ORC5: variants seen among roughly 807,000 people sequenced by gnomAD.
ORC5 encodes the protein origin recognition complex subunit 5.
ORC5 carries 39 observed loss-of-function variants against 58.8 expected under a neutral mutation model. The ratio of observed to expected loss-of-function variants is 0.66; its 90% CI spans 0.51 to 0.87. ORC5 has a LOEUF of 0.87. ORC5 is among the 40% of genes least tolerant of loss of function. The pLI, the probability that ORC5 is intolerant of heterozygous loss-of-function variation, is 0.00. For missense variants in ORC5, 493 were observed against 506.3 expected (o/e 0.97, Z 0.25); for synonymous variants, 218 against 177.6 (o/e 1.23, Z -1.81).
intron 12 of ORC5, among the ~76,000 whole-genome samples, chr7:104,140,277 T>C (rs562727617): frequency 2.6e-5 from 4 of 152,266 alleles, no homozygotes; most frequent in Non-Finnish European, 5.9e-5. Context: ...ATATATCTAA[T>C]GATTTTCTAA....
Position 104,207,901 on chromosome 7 carries a change from G to T in ORC5, c.4C>A (p.Pro2Thr). The T allele has an allele frequency of 6.2e-7, 1 of 1,614,058 alleles. No homozygotes were observed. Among genetic ancestry groups the T allele is most frequent in the Non-Finnish European group, 8.5e-7 (1 of 1,179,960 alleles). The change falls in exon 1 of 14, where the codon CCC becomes ACC. Residue 2 changes from proline (P) to threonine (T), a missense_variant. Transcript: ENST00000297431. MPHLENVVLCRE... is the reference protein window; with the variant it reads MTHLENVVLCRE... ...CAAAGCACCACGTTTTCCAAGTGGG[G>T]CATTCTGGCAGGCACCACCGCAGAG...
intron 12 of ORC5, among the ~76,000 whole-genome samples, chr7:104,140,984 G>T (rs1798664840): frequency 6.6e-6 from 1 of 152,152 alleles, no homozygotes; most frequent in Admixed American, 6.5e-5. Context: ...TTAGTAACTT[G>T]ATCAAAGTGG....
At chr7:104,155,076 C>A (rs1320740430) in intron 12 of ORC5, among the ~76,000 whole-genome samples, 4 of 151,670 alleles carry the variant, frequency 2.6e-5, no homozygotes, top group Non-Finnish European at 4.4e-5. Flanking sequence ...TCTTATAAAA[C>A]AACACCTAAA....
At chr7:104,167,433 G>C (rs1438491627) in intron 9 of ORC5, among the ~76,000 whole-genome samples, 1 of 152,160 alleles carries the variant, frequency 6.6e-6, no homozygotes, top group Non-Finnish European at 1.5e-5. Context: ...AAATTTTGGA[G>C]CATTTTCTAT....
intron 9 of ORC5, 40 bp from the exon 10 acceptor site, chr7:104,166,924 A>G (rs771304138): frequency 5.2e-6 from 6 of 1,157,102 alleles, no homozygotes; most frequent in Non-Finnish European, 5.2e-6. Context: ...TTATTAGGCT[A>G]ACATTGGGTT....
At chr7:104,144,941 G>A (rs1798732670) in intron 12 of ORC5, among the ~76,000 whole-genome samples, 1 of 152,166 alleles carries the variant, frequency 6.6e-6, no homozygotes, top group Non-Finnish European at 1.5e-5. Flanking sequence ...TCATCGTGGT[G>A]TCTCAGTTTC....
chr7:104,151,490 C>A (rs1038494789), intron 12 of ORC5, among the ~76,000 whole-genome samples: 2 of 150,410 alleles, frequency 1.3e-5, no homozygotes, highest in Non-Finnish European at 2.9e-5. Context: ...CTCCATTTAG[C>A]TAAACTAAAA....
intron 12 of ORC5, among the ~76,000 whole-genome samples, chr7:104,145,298 C>T (rs1172378366): frequency 1.3e-5 from 2 of 152,286 alleles, no homozygotes; most frequent in East Asian, 1.9e-4. Flanking sequence ...AGATACACAA[C>T]AGTCATTCCT....
intron 12 of ORC5, among the ~76,000 whole-genome samples, chr7:104,152,399 C>T (rs117173400): frequency 2.9e-3 from 446 of 152,292 alleles, no homozygotes; most frequent in Non-Finnish European, 4.7e-3. Flanking sequence ...CTACCCCAGT[C>T]TCTCAAAGCG....
chr7:104,166,306 T>G (rs996559908), intron 10 of ORC5, among the ~76,000 whole-genome samples: 1 of 151,942 alleles, frequency 6.6e-6, no homozygotes, highest in Non-Finnish European at 1.5e-5. Flanking sequence ...TCAGAATGTT[T>G]TGAGGAAAGA....
Position 104,200,789 on chromosome 7 carries a change from G to C in ORC5, c.335C>G (p.Ala112Gly), listed in dbSNP as rs370295611. The C allele has an allele frequency of 1.2e-6, 2 of 1,608,688 alleles. No individual in the cohort carries two copies. Among genetic ancestry groups the C allele is most frequent in the African/African-American group, 2.7e-5 (2 of 74,844 alleles). The change falls in exon 3 of 14, where the codon GCT becomes GGT. Residue 112 changes from alanine (A) to glycine (G), a missense_variant. By Grantham distance (60) the Ala-to-Gly change is moderately conservative (BLOSUM62 0). Transcript: ENST00000297431. The part of the protein sequence containing the change: ...FVRLFKQVTT[A>G]ENLKDQTVYI... Reference sequence around the variant, plus strand: ...TACAGTCTGATCTTTAAGATTTTCAGCTGTGGTTACTTGTTTAAACAAGCG... The same window carrying C: ...TACAGTCTGATCTTTAAGATTTTCACCTGTGGTTACTTGTTTAAACAAGCG...
chr7:104,179,321 A>G (rs1185148530), intron 8 of ORC5, among the ~76,000 whole-genome samples: 3 of 152,180 alleles, frequency 2.0e-5, no homozygotes, highest in African/African-American at 7.2e-5. Context: ...ATTTAAAAGT[A>G]TAAGAAAATA....
chr7:104,141,149 G>A (rs1798667152), intron 12 of ORC5, among the ~76,000 whole-genome samples: 1 of 152,156 alleles, frequency 6.6e-6, no homozygotes, highest in Non-Finnish European at 1.5e-5. Flanking sequence ...AAGAGTGTGT[G>A]CTAAAAGAAT....
In ORC5 at chr7:104,204,167, G is replaced by A; in HGVS notation, c.140C>T (p.Thr47Ile). ...GHTASGKTYV[T>I]QTLLKTLELP... ...CTCTAAAGTTTTCAACAACGTTTGT[G>A]TTACATAGGTCTTTCCACTAGCAGT... is the stretch of plus-strand genomic sequence containing the variant. The change falls in exon 2 of 14, where the codon ACA (threonine) becomes ATA (isoleucine). Residue 47 changes from threonine to isoleucine, a missense_variant. Thr to Ile is a moderately conservative substitution (Grantham distance 89). Around this residue, in one of 3 missense-constraint regions of ORC5, gnomAD observed 412 missense variants for 403.7 expected, o/e 1.02. Coordinates refer to ENST00000297431, the MANE Select transcript of ORC5 (RefSeq NM_002553.4). The A allele has an allele frequency of 6.3e-7, 1 of 1,588,520 alleles. No homozygotes were observed. The highest frequency in any genetic ancestry group is 8.6e-7 in the Non-Finnish European group (1 of 1,163,936).
chr7:104,195,156 A>G lies in ORC5; in HGVS notation c.540T>C (p.Pro180=), dbSNP rs769093365. Residue 180 remains proline, a synonymous_variant, in exon 5 of 14, where the codon CCT becomes CCC. Transcript: ENST00000297431. ...TTTAAGGTTTACCTATGCTGTAATC[A>G]GGGAAATATAAGACAAACGGCTCAA... The part of the protein sequence containing the change: ...GCFEPFVLYF[P]DYSIGNLQKI... 1 of 1,549,702 alleles carries G rather than the reference A, an allele frequency of 6.5e-7. No homozygotes were observed. Among genetic ancestry groups the G allele is most frequent in the South Asian group, 1.2e-5 (1 of 80,672 alleles).
intron 8 of ORC5, among the ~76,000 whole-genome samples, chr7:104,176,815 A>T (rs1799331110): frequency 6.6e-6 from 1 of 152,244 alleles, no homozygotes; most frequent in Non-Finnish European, 1.5e-5. Flanking sequence ...TTGTCGGCAT[A>T]AACTTTTGCC....
rs1159848665 is a variant in ORC5, at chr7:104,138,624, C to A, written c.1150-1731G>T. The stretch of plus-strand genomic sequence containing the variant: ...TCCCCAGACTCAGGTGATCCTCCCA[C>A]AGCAGCCTCCTGAGTAGCTGGTACT... On this transcript the variant is annotated intron_variant, in intron 12 of 13. Transcript: ENST00000297431. This position sits in a 1 kb window ranked among gnomAD's most constrained non-coding sequence, Gnocchi z 4.7. Among the ~76,000 whole-genome samples, 31 of 152,110 alleles carry A rather than the reference C, an allele frequency of 2.0e-4. No individual in the cohort carries two copies. Among genetic ancestry groups the A allele is most frequent in the Admixed American group, 2.0e-3 (31 of 15,264 alleles).
intron 12 of ORC5, among the ~76,000 whole-genome samples, chr7:104,149,165 C>T (rs1368423236): frequency 6.6e-6 from 1 of 151,998 alleles, no homozygotes; most frequent in African/African-American, 2.4e-5. Flanking sequence ...AGGTCATTTA[C>T]AGAAACATTC....
chr7:104,130,510 C>T (rs1485275209), intron 13 of ORC5, among the ~76,000 whole-genome samples: 2 of 152,194 alleles, frequency 1.3e-5, no homozygotes, highest in African/African-American at 4.8e-5. Flanking sequence ...AGCTCTGCTA[C>T]TCTGAGATTA....
Sources: gnomAD v4.1 joint callset for allele counts (sites outside exome capture counted in the v4.1 genomes callset) on GRCh38, gnomAD v4.1.1 for gene constraint, gnomAD v4.1.1 regional missense constraint, Gnocchi (gnomAD v3.1) non-coding constraint, MANE v1.5 for transcripts, NCBI Gene and HGNC (gene_info 2026-07-23, HGNC 2026-07-21) for gene names.